THRB: variants seen among roughly 807,000 people sequenced by gnomAD.
THRB encodes the protein thyroid hormone receptor beta, also known as nuclear receptor subfamily 1 group A member 2.
Under a neutral mutation model 47.8 loss-of-function variants are expected in THRB, and 12 were observed. The ratio of observed to expected loss-of-function variants is 0.25; its 90% CI spans 0.16 to 0.41. The LOEUF is 0.41. THRB is among the 10% of genes least tolerant of loss of function. The probability of loss-of-function intolerance (pLI) is 1.00; values close to 1 mark genes in which losing one functional copy is unlikely to be tolerated. For missense variants in THRB, 348 were observed against 589.2 expected (o/e 0.59, Z 4.24); for synonymous variants, 218 against 212.2 (o/e 1.03, Z -0.24).
intron 4 of THRB, among the ~76,000 whole-genome samples, chr3:24,205,033 T>C (rs553386632): frequency 6.6e-6 from 1 of 152,300 alleles, no homozygotes; most frequent in East Asian, 1.9e-4. Flanking sequence ...CTGATTGGTG[T>C]ACCTGAAAGT....
intron 1 of THRB, among the ~76,000 whole-genome samples, chr3:24,435,453 G>A (rs1411650385): frequency 1.3e-5 from 2 of 152,208 alleles, no homozygotes; most frequent in South Asian, 2.1e-4. Flanking sequence ...AATATGGTCC[G>A]GTAGGTAAAG....
At chr3:24,384,606 A>G (rs1283776831) in intron 1 of THRB, among the ~76,000 whole-genome samples, 2 of 152,100 alleles carry the variant, frequency 1.3e-5, no homozygotes, top group African/African-American at 4.8e-5. Context: ...CCTTAGTATA[A>G]TTTACCATTA....
intron 2 of THRB, among the ~76,000 whole-genome samples, chr3:24,321,550 T>A (rs2058484941): frequency 6.6e-6 from 1 of 152,120 alleles, no homozygotes; most frequent in African/African-American, 2.4e-5. Context: ...TTGGGATGAT[T>A]TTTACCTCAG....
At chr3:24,318,586 T>C (rs2058277679) in intron 2 of THRB, 1 of 152,238 alleles carries the variant, frequency 6.6e-6, no homozygotes, top group East Asian at 1.9e-4. Flanking sequence ...ACAGTGAGTC[T>C]TTCAAAAAAG....
chr3:24,365,303 A>G (rs1258777211), intron 1 of THRB, among the ~76,000 whole-genome samples: 1 of 151,920 alleles, frequency 6.6e-6, no homozygotes, highest in African/African-American at 2.4e-5. Flanking sequence ...CAGAACAGGC[A>G]CTCCCTCTGC....
intron 1 of THRB, among the ~76,000 whole-genome samples, chr3:24,373,904 C>T (rs2065090059): frequency 1.3e-5 from 2 of 152,208 alleles, no homozygotes; most frequent in South Asian, 2.1e-4. Flanking sequence ...AAGCTATCAC[C>T]AATCCAGCCA....
Position 24,121,249 on chromosome 3 carries a change from C to G in THRB, c.*1635G>C, listed in dbSNP as rs2031633580. On this transcript the variant is annotated 3_prime_UTR_variant, in exon 11 of 11. Coordinates refer to ENST00000646209, the MANE Select transcript of THRB (RefSeq NM_001354712.2). ...CTAGAATTACAAATCTACCAGTTGACAGAGCACGAACTAGAACTCAGGCAC... is the reference window on the plus strand; with the variant it reads ...CTAGAATTACAAATCTACCAGTTGAGAGAGCACGAACTAGAACTCAGGCAC... 1 of 152,544 alleles carries G rather than the reference C, an allele frequency of 6.6e-6. No homozygotes were observed. Among genetic ancestry groups the G allele is most frequent in the Admixed American group, 6.6e-5 (1 of 15,266 alleles). 9.4% of individuals were successfully genotyped at this position (152,544 alleles called of 1,614,324 possible). A position where few individuals can be genotyped will look rare whatever the true frequency, so the allele number is the denominator to read the frequency against.
intron 1 of THRB, among the ~76,000 whole-genome samples, chr3:24,342,620 A>G (rs1005886820): frequency 6.6e-6 from 1 of 152,220 alleles, no homozygotes; most frequent in Non-Finnish European, 1.5e-5. Flanking sequence ...GAGGAGGCAC[A>G]TACCTCAGGA....
At chr3:24,461,540 A>G (rs183110097) in intron 1 of THRB, among the ~76,000 whole-genome samples, 204 of 152,360 alleles carry the variant, frequency 1.3e-3, no homozygotes, top group South Asian at 1.2e-3. Flanking sequence ...GCTGGCTAAT[A>G]AAATAGAGAT....
chr3:24,485,341 ATTCATTATTGGAATTAAATTAGAAAAATT>A, intron 1 of THRB, among the ~76,000 whole-genome samples: 1 of 152,214 alleles, frequency 6.6e-6, no homozygotes, highest in African/African-American at 2.4e-5. Context: ...TGCTAAAAAT[ATTCATTATTGGAATTAAATTAGAAAAATT>A]TTGCCACATC....
intron 4 of THRB, among the ~76,000 whole-genome samples, chr3:24,215,727 C>A (rs533741726): frequency 6.6e-6 from 1 of 152,202 alleles, no homozygotes; most frequent in African/African-American, 2.4e-5. Flanking sequence ...CAGTGAGACA[C>A]GGCCATGTGA....
At chr3:24,368,087 T>G (rs28489004) in intron 1 of THRB, among the ~76,000 whole-genome samples, 1 of 152,134 alleles carries the variant, frequency 6.6e-6, no homozygotes, top group African/African-American at 2.4e-5. Context: ...CATATGTAAT[T>G]ATTTTATGAT....
intron 1 of THRB, among the ~76,000 whole-genome samples, chr3:24,363,667 C>T (rs1437773641): frequency 6.6e-6 from 1 of 152,140 alleles, no homozygotes; most frequent in Non-Finnish European, 1.5e-5. Flanking sequence ...CATCTTTTGG[C>T]AACTCTGTGA....
At position 24,122,679 on chromosome 3, in the gene THRB, T is replaced by G; in HGVS notation, c.*205A>C. 1 of 659,786 alleles carries G rather than the reference T, an allele frequency of 1.5e-6. No homozygotes were observed. Among genetic ancestry groups the G allele is most frequent in the Non-Finnish European group, 2.6e-6 (1 of 387,056 alleles). 40.9% of individuals were successfully genotyped at this position (659,786 alleles called of 1,614,324 possible). A position where few individuals can be genotyped will look rare whatever the true frequency, so the allele number is the denominator to read the frequency against. On this transcript the variant is annotated 3_prime_UTR_variant, in exon 11 of 11. Coordinates refer to ENST00000646209, the MANE Select transcript of THRB (RefSeq NM_001354712.2). Reference sequence around the variant, plus strand: ...CCATAAAACCTTCAGAGCATTCACATCACAGGACCGGAGAACGAAATGCAA... The same window carrying G: ...CCATAAAACCTTCAGAGCATTCACAGCACAGGACCGGAGAACGAAATGCAA...
intron 1 of THRB, among the ~76,000 whole-genome samples, chr3:24,446,639 T>A (rs931565360): frequency 6.6e-6 from 1 of 151,772 alleles, no homozygotes; most frequent in Non-Finnish European, 1.5e-5. Context: ...ACATCAGAAG[T>A]CTATTTGTTC....
chr3:24,316,977 G>A (rs1050446972), intron 2 of THRB, among the ~76,000 whole-genome samples: 9 of 152,124 alleles, frequency 5.9e-5, no homozygotes, highest in Non-Finnish European at 1.0e-4. Context: ...TCCTCCTCAG[G>A]TTAACATTGC....
intron 1 of THRB, among the ~76,000 whole-genome samples, chr3:24,377,151 C>T (rs1048961715): frequency 2.0e-5 from 3 of 151,970 alleles, no homozygotes; most frequent in African/African-American, 7.2e-5. Flanking sequence ...TACTTTGTTG[C>T]CCAGGCTGGT....
At chr3:24,217,225 T>C (rs1241454366) in intron 4 of THRB, among the ~76,000 whole-genome samples, 1 of 151,982 alleles carries the variant, frequency 6.6e-6, no homozygotes, top group African/African-American at 2.4e-5. Context: ...AAAAGCAGCG[T>C]CAGAGGAAAC....
chr3:24,215,910 C>T (rs1473805769), intron 4 of THRB, among the ~76,000 whole-genome samples: 1 of 152,178 alleles, frequency 6.6e-6, no homozygotes, highest in African/African-American at 2.4e-5. Context: ...AACCTGGGTC[C>T]ATAAATGACC....
Sources: allele counts gnomAD v4.1 joint callset (sites outside exome capture counted in the v4.1 genomes callset), GRCh38; gene constraint gnomAD v4.1.1; transcripts MANE v1.5; gene names NCBI Gene and HGNC (gene_info 2026-07-23, HGNC 2026-07-21).